Variants in BUB1B observed in about 807,000 individuals in gnomAD.
BUB1B encodes the protein mitotic checkpoint serine/threonine-protein kinase BUB1 beta.
Under a neutral mutation model 137.7 loss-of-function variants are expected in BUB1B, and 86 were observed. The ratio of observed to expected loss-of-function variants is 0.62; its 90% CI spans 0.52 to 0.75. BUB1B has a LOEUF of 0.75. Among genes scored for constraint, BUB1B ranks in the 30% least tolerant of loss-of-function variants. The pLI, the probability that BUB1B is intolerant of heterozygous loss-of-function variation, is 0.00. For synonymous variants in BUB1B, 420 were observed against 417.9 expected (o/e 1.00, Z -0.06); for missense variants, 1,130 against 1,236.9 (o/e 0.91, Z 1.30).
Position 40,212,512 on chromosome 15 carries a change from C to G in BUB1B, c.2399C>G (p.Pro800Arg). 6.2e-7 allele frequency: 1 copy of G among 1,612,338 alleles called. No individual in the cohort carries two copies. The highest frequency in any genetic ancestry group is 8.5e-7 in the Non-Finnish European group (1 of 1,178,788). ...AATGTCTTACAGGTATCTTCTCAAC[C>G]TGTCCCATGGGACTTTTATATCAAC... Reference protein sequence around the residue: ...ELTVIKVSSQPVPWDFYINLK... With the variant: ...ELTVIKVSSQRVPWDFYINLK... The change falls in exon 19 of 23, where the codon CCT becomes CGT. Residue 800 changes from proline to arginine, a missense_variant. Pro to Arg is a moderately radical substitution (Grantham distance 103, BLOSUM62 -2). Coordinates refer to ENST00000287598, the MANE Select transcript of BUB1B (RefSeq NM_001211.6).
At chr15:40,207,880 TA>T (rs11285631) in intron 15 of BUB1B, among the ~76,000 whole-genome samples, 98,717 of 147,698 alleles carry the variant, frequency 0.67, 33,097 homozygotes, top group Non-Finnish European at 0.71. Flanking sequence ...CTAATAAAAA[TA>T]AAAAAAAAAA....
intron 8 of BUB1B, among the ~76,000 whole-genome samples, chr15:40,195,679 C>T (rs761824994): frequency 6.6e-6 from 1 of 152,168 alleles, no homozygotes; most frequent in Non-Finnish European, 1.5e-5. Flanking sequence ...GCCATTCTCA[C>T]AGGAGTAAGG....
intron 22 of BUB1B, among the ~76,000 whole-genome samples, chr15:40,220,008 C>T (rs926176982): frequency 2.0e-5 from 3 of 152,118 alleles, no homozygotes; most frequent in African/African-American, 7.2e-5. Context: ...CCAGGCAGGT[C>T]TGGCTAACAC....
Position 40,213,419 on chromosome 15 carries a change from A to C in BUB1B, c.2623A>C (p.Lys875Gln). ...TTTGACAATAGTGGAGATGCTACAC[A>C]AAGCAGAAATAGTCCATGGTGACTT... Reference protein sequence around the residue: ...NLLTIVEMLHKAEIVHGDLSP... With the variant: ...NLLTIVEMLHQAEIVHGDLSP... The change falls in exon 20 of 23, where the codon AAA becomes CAA. Residue 875 changes from lysine to glutamine, a missense_variant. Transcript: ENST00000287598. The C allele has an allele frequency of 6.2e-7, 1 of 1,614,256 alleles. No homozygotes were observed. The highest frequency in any genetic ancestry group is 8.5e-7 in the Non-Finnish European group (1 of 1,180,042).
chr15:40,213,535 CT>C (rs569291212), intron 20 of BUB1B, 61 bp downstream of exon 20: 987 of 1,431,226 alleles, frequency 6.9e-4, no homozygotes, highest in African/African-American at 8.2e-4. Context: ...ATAGTTGCCA[CT>C]TTTTTTTTTC....
At chr15:40,166,005 G>A (rs928854240) in intron 2 of BUB1B, among the ~76,000 whole-genome samples, 5 of 151,778 alleles carry the variant, frequency 3.3e-5, no homozygotes, top group African/African-American at 7.2e-5. Flanking sequence ...GGCGTGCGCC[G>A]CCACGCCTGG....
rs544174035 is a variant in BUB1B at position 40,200,351 on chromosome 15, T to C, written c.1509T>C (p.Cys503=). ...TLSSSVCQVN[C]CARETSLAEN... is the part of the protein sequence containing the mutation. ...CCAGTTCTGTTTGTCAAGTAAACTG[T>C]TGTGCCAGGTAAGACTACATAGGTG... Residue 503 remains cysteine (C), a synonymous_variant, in exon 11 of 23, where the codon TGT becomes TGC. Transcript: ENST00000287598. 6.8e-6 allele frequency: 11 copies of C among 1,612,998 alleles called. No individual in the cohort carries two copies. In the South Asian group the frequency reaches 1.1e-4, roughly 16 times the overall value.
rs587778145 is a variant in BUB1B at position 40,176,664 on chromosome 15, C to A, written c.572C>A (p.Ser191Tyr). The change falls in exon 5 of 23, where the codon TCC becomes TAC. Residue 191 changes from serine (S) to tyrosine (Y), a missense_variant. Coordinates refer to ENST00000287598, the MANE Select transcript of BUB1B (RefSeq NM_001211.6). ...QKAEPLERLQ[S>Y]QHRQFQARVS... is the part of the protein sequence containing the mutation. ...GCTGAACCACTAGAAAGACTACAGT[C>A]CCAGCACCGGTAAACTTTCTTTGGA... is the stretch of plus-strand genomic sequence containing the variant. 3.7e-6 allele frequency: 6 copies of A among 1,613,988 alleles called. No individual in the cohort carries two copies. Among genetic ancestry groups the A allele is most frequent in the Admixed American group, 3.3e-5 (2 of 60,008 alleles).
Position 40,201,760 on chromosome 15 carries a change from G to A in BUB1B, c.1568-645G>A, listed in dbSNP as rs2037572655. Among the ~76,000 whole-genome samples, 3 of 152,146 alleles carry A rather than the reference G, an allele frequency of 2.0e-5. No homozygotes were observed. The South Asian group carries it at 6.2e-4, about 32-fold the overall frequency. ...CAGCTCACTACAAGCTCTGCCTCCTGGGTTCATGCCATTCTCTTGCCTCAG... is the reference window on the plus strand; with the variant it reads ...CAGCTCACTACAAGCTCTGCCTCCTAGGTTCATGCCATTCTCTTGCCTCAG... On this transcript the variant is annotated intron_variant, in intron 12 of 22. Transcript: ENST00000287598.
chr15:40,208,873 C>CTCAAAA, intron 16 of BUB1B, 103 bp downstream of exon 16: 1 of 1,231,278 alleles, frequency 8.1e-7, no homozygotes, highest in Non-Finnish European at 1.2e-6. Context: ...CTCACTCTGT[C>CTCAAAA]ACCCAGGATG....
At chr15:40,201,568 A>G (rs571647260) in intron 12 of BUB1B, among the ~76,000 whole-genome samples, 1 of 152,322 alleles carries the variant, frequency 6.6e-6, no homozygotes, top group African/African-American at 2.4e-5. Flanking sequence ...CCAAAACTCT[A>G]TAGAATAAAA....
intron 2 of BUB1B, among the ~76,000 whole-genome samples, chr15:40,167,696 G>A (rs1400320840): frequency 6.6e-6 from 1 of 151,844 alleles, no homozygotes; most frequent in Non-Finnish European, 1.5e-5. Context: ...ATTTTTCCTT[G>A]TATATGGTGT....
At chr15:40,184,133 G>C (rs1448503418) in intron 6 of BUB1B, among the ~76,000 whole-genome samples, 2 of 152,232 alleles carry the variant, frequency 1.3e-5, no homozygotes, top group African/African-American at 4.8e-5. Context: ...TGAATTGTTA[G>C]TTGAAAGAAG....
chr15:40,169,063 A>T (rs1354679043), intron 2 of BUB1B, among the ~76,000 whole-genome samples: 1 of 152,198 alleles, frequency 6.6e-6, no homozygotes, highest in African/African-American at 2.4e-5. Flanking sequence ...TTATTTTTAG[A>T]TCAAACATAA....
chr15:40,206,210 G>A lies in BUB1B; in HGVS notation c.1761G>A (p.Leu587=). ...ATGAATTTACAGGAATTGAACCCTT[G>A]AGCGAGGATGCCATTATCACAGGCT... ...VCDEFTGIEP[L]SEDAIITGFR... Residue 587 remains leucine, a synonymous_variant, in exon 15 of 23, where the codon TTG becomes TTA. Coordinates refer to ENST00000287598, the MANE Select transcript of BUB1B (RefSeq NM_001211.6). 6.2e-7 allele frequency: 1 copy of A among 1,614,080 alleles called. No homozygotes were observed. The highest frequency in any genetic ancestry group is 2.2e-5 in the East Asian group (1 of 44,876).
intron 8 of BUB1B, among the ~76,000 whole-genome samples, chr15:40,190,625 TAAAAC>T (rs2037424423): frequency 6.6e-6 from 1 of 152,122 alleles, no homozygotes. Context: ...AAAAATAAAA[TAAAAC>T]AATAAAATAA....
At chr15:40,208,873 C>T (rs2037672865) in intron 16 of BUB1B, 103 bp downstream of exon 16, 4 of 1,231,282 alleles carry the variant, frequency 3.2e-6, no homozygotes, top group Non-Finnish European at 4.7e-6. Context: ...CTCACTCTGT[C>T]ACCCAGGATG....
At position 40,218,509 on chromosome 15, in the gene BUB1B, C is replaced by T. The variant is rs1284860869; in HGVS notation, c.2904C>T (p.His968=). ...DLAHLLLFKE[H]LQVFWDGSFW... Reference sequence around the variant, plus strand: ...CACATTTACTATTGTTCAAGGAACACCTACAGGTCTTCTGGGATGGGTCCT... The same window carrying T: ...CACATTTACTATTGTTCAAGGAACATCTACAGGTCTTCTGGGATGGGTCCT... Residue 968 remains histidine (H), a synonymous_variant, in exon 22 of 23, where the codon CAC becomes CAT. Coordinates refer to ENST00000287598, the MANE Select transcript of BUB1B (RefSeq NM_001211.6). 1 of 1,614,116 alleles carries T rather than the reference C, an allele frequency of 6.2e-7. No homozygotes were observed. Among genetic ancestry groups the T allele is most frequent in the South Asian group, 1.1e-5 (1 of 91,074 alleles).
At chr15:40,180,258 T>G (rs905439796) in intron 5 of BUB1B, among the ~76,000 whole-genome samples, 9 of 142,826 alleles carry the variant, frequency 6.3e-5, no homozygotes, top group Non-Finnish European at 1.2e-4. Flanking sequence ...TTTCTTTTTT[T>G]TTTTTTTTTT....
Sources: allele counts gnomAD v4.1 joint callset (sites outside exome capture counted in the v4.1 genomes callset), GRCh38; gene constraint gnomAD v4.1.1; transcripts MANE v1.5; gene names NCBI Gene and HGNC (gene_info 2026-07-23, HGNC 2026-07-21).